Variants in THSD7B observed in about 807,000 individuals in gnomAD.
THSD7B encodes the protein thrombospondin type-1 domain-containing protein 7B.
Under a neutral mutation model 213.6 loss-of-function variants are expected in THSD7B, and 138 were observed. The ratio of observed to expected loss-of-function variants is 0.65; its 90% CI spans 0.56 to 0.74. THSD7B has a LOEUF of 0.74. Ranked by LOEUF, THSD7B falls within the 30% of genes least tolerant of loss-of-function variation. The pLI, the probability that THSD7B is intolerant of heterozygous loss-of-function variation, is 0.00. For missense variants in THSD7B, 1,931 were observed against 1,991.5 expected (o/e 0.97, Z 0.58); for synonymous variants, 742 against 687.0 (o/e 1.08, Z -1.25).
chr2:137,570,154 C>CT (rs1175912935), intron 16 of THSD7B, among the ~76,000 whole-genome samples: 2 of 151,892 alleles, frequency 1.3e-5, no homozygotes, highest in Non-Finnish European at 2.9e-5. Context: ...ATTATTACAA[C>CT]TTTTTTGTAT....
chr2:137,164,793 C>T (rs929821806), intron 6 of THSD7B, among the ~76,000 whole-genome samples: 1 of 152,160 alleles, frequency 6.6e-6, no homozygotes, highest in Non-Finnish European at 1.5e-5. Context: ...AAAAACCAAA[C>T]ACCGCATATT....
At chr2:137,189,456 T>C (rs1452311284) in intron 7 of THSD7B, among the ~76,000 whole-genome samples, 1 of 152,126 alleles carries the variant, frequency 6.6e-6, no homozygotes, top group Non-Finnish European at 1.5e-5. Context: ...TCAGGGCCTC[T>C]AGTGTCACCA....
At chr2:137,088,704 A>G (rs1253062653) in intron 3 of THSD7B, among the ~76,000 whole-genome samples, 1 of 152,142 alleles carries the variant, frequency 6.6e-6, no homozygotes, top group Non-Finnish European at 1.5e-5. Context: ...CCCACAGAGT[A>G]GGAAAAAATC....
intron 24 of THSD7B, among the ~76,000 whole-genome samples, chr2:137,657,476 C>G (rs1683259192): frequency 6.6e-6 from 1 of 152,074 alleles, no homozygotes; most frequent in South Asian, 2.1e-4. Flanking sequence ...CTCAATAAAA[C>G]GTTTCAAAGG....
intron 14 of THSD7B, among the ~76,000 whole-genome samples, chr2:137,417,836 C>T (rs187085174): frequency 2.7e-4 from 41 of 152,286 alleles, no homozygotes; most frequent in African/African-American, 9.9e-4. Context: ...AAGTCCAGTT[C>T]ATGGAAGGGA....
At chr2:136,944,938 T>C (rs149317344) in intron 2 of THSD7B, among the ~76,000 whole-genome samples, 1,665 of 152,292 alleles carry the variant, frequency 0.011, 22 homozygotes, top group African/African-American at 0.038. Context: ...ATTATGATGT[T>C]AGCTGGTTAT....
rs1207612144 is a variant in THSD7B at position 137,404,474 on chromosome 2, T to TACACACAC, written c.2501-1113_2501-1106dup. 3.7e-3 allele frequency among the ~76,000 whole-genome samples: 150 copies of TACACACAC among 40,244 alleles called. 6 individuals are homozygous for TACACACAC. Among genetic ancestry groups the TACACACAC allele is most frequent in the Middle Eastern group, 0.021 (1 of 48 alleles). 26.4% of individuals were successfully genotyped at this position (40,244 alleles called of 152,430 possible). A position where few individuals can be genotyped will look rare whatever the true frequency, so the allele number is the denominator to read the frequency against. Reference sequence around the variant, plus strand: ...ATATATATATATATATATATATATATACACACACACACACACACACACACA... The same window carrying TACACACAC: ...ATATATATATATATATATATATATATACACACACACACACACACACACACACACACACA... On this transcript the variant is annotated intron_variant, in intron 12 of 27. Transcript: ENST00000409968.
Position 137,213,614 on chromosome 2 carries a change from A to G in THSD7B, c.1724-17430A>G, listed in dbSNP as rs746860837. 2.0e-5 allele frequency among the ~76,000 whole-genome samples: 3 copies of G among 151,724 alleles called. No individual in the cohort carries two copies. In the South Asian group the frequency reaches 6.2e-4, roughly 31 times the overall value. ...TATAAGATTATTAATTCATAGTAAA[A>G]TAAAATTAAGTGGCAAGGCAGAGAA... On this transcript the variant is annotated intron_variant, in intron 7 of 27. Coordinates refer to ENST00000409968, the MANE Select transcript of THSD7B (RefSeq NM_001316349.2).
At chr2:137,274,150 A>G (rs1682816738) in intron 11 of THSD7B, among the ~76,000 whole-genome samples, 1 of 152,142 alleles carries the variant, frequency 6.6e-6, no homozygotes, top group African/African-American at 2.4e-5. Flanking sequence ...TTCAAAATGT[A>G]TCCAAGTTAT....
chr2:136,771,905 G>A (rs1157189891), intron 1 of THSD7B, among the ~76,000 whole-genome samples: 3 of 152,058 alleles, frequency 2.0e-5, no homozygotes, highest in African/African-American at 7.2e-5. Context: ...ATCCAGGTAG[G>A]CAACAAGTGT....
intron 17 of THSD7B, among the ~76,000 whole-genome samples, chr2:137,584,495 T>C (rs1443396608): frequency 6.6e-6 from 1 of 152,230 alleles, no homozygotes; most frequent in Non-Finnish European, 1.5e-5. Flanking sequence ...TTCTTATTAT[T>C]TTGAGATATG....
At chr2:137,326,202 C>A (rs190511286) in intron 12 of THSD7B, among the ~76,000 whole-genome samples, 16 of 152,246 alleles carry the variant, frequency 1.1e-4, no homozygotes, top group Admixed American at 2.0e-4. Flanking sequence ...GACCCATGAT[C>A]ATAGCAAGGA....
At chr2:136,803,068 G>A (rs1682218142) in intron 1 of THSD7B, among the ~76,000 whole-genome samples, 1 of 151,714 alleles carries the variant, frequency 6.6e-6, no homozygotes, top group Admixed American at 6.6e-5. Context: ...AAACTACCTA[G>A]TAACATCCTT....
intron 5 of THSD7B, among the ~76,000 whole-genome samples, chr2:137,144,768 C>T (rs1015854095): frequency 1.3e-5 from 2 of 151,916 alleles, no homozygotes; most frequent in African/African-American, 4.8e-5. Context: ...ATCATCATTG[C>T]AGAATAAAAT....
chr2:137,197,325 C>T (rs1420849328), intron 7 of THSD7B, among the ~76,000 whole-genome samples: 1 of 152,004 alleles, frequency 6.6e-6, no homozygotes, highest in Admixed American at 6.6e-5. Flanking sequence ...TGTGAATATT[C>T]CAGTTGAGGA....
intron 2 of THSD7B, among the ~76,000 whole-genome samples, chr2:136,913,510 G>T (rs1684301646): frequency 6.6e-6 from 1 of 152,238 alleles, no homozygotes. Flanking sequence ...CTTCATGGCA[G>T]CCCCTCCCAT....
chr2:137,659,676 C>T lies in THSD7B; in HGVS notation c.4388C>T (p.Pro1463Leu), dbSNP rs1252257811. Residue 1463 changes from proline (P) to leucine (L), a missense_variant, in exon 25 of 28, where the codon CCT becomes CTT. Pro to Leu is a moderately conservative substitution (Grantham distance 98). Coordinates refer to ENST00000409968, the MANE Select transcript of THSD7B (RefSeq NM_001316349.2). ...DGVNVTGGCS[P>L]QARPAAIRQC... is the part of the protein sequence containing the mutation. ...ATTTCCTTTGCAGGAGGCTGCTCCCCTCAGGCCCGTCCTGCTGCCATTCGG... is the reference window on the plus strand; with the variant it reads ...ATTTCCTTTGCAGGAGGCTGCTCCCTTCAGGCCCGTCCTGCTGCCATTCGG... The T allele has an allele frequency of 6.2e-7, 1 of 1,601,280 alleles. No individual in the cohort carries two copies. Among genetic ancestry groups the T allele is most frequent in the Admixed American group, 1.7e-5 (1 of 58,422 alleles).
chr2:137,361,755 G>A (rs1685267929), intron 12 of THSD7B, among the ~76,000 whole-genome samples: 1 of 152,168 alleles, frequency 6.6e-6, no homozygotes, highest in Admixed American at 6.5e-5. Flanking sequence ...ATCTACGTTT[G>A]ATTGGTGTAC....
chr2:136,939,986 A>G (rs747313990), intron 2 of THSD7B, among the ~76,000 whole-genome samples: 2 of 152,184 alleles, frequency 1.3e-5, no homozygotes, highest in African/African-American at 4.8e-5. Flanking sequence ...TGTAATCACT[A>G]TCCTAGCCAG....
Sources: gnomAD v4.1 joint callset for allele counts (sites outside exome capture counted in the v4.1 genomes callset) on GRCh38, gnomAD v4.1.1 for gene constraint, MANE v1.5 for transcripts, NCBI Gene and HGNC (gene_info 2026-07-23, HGNC 2026-07-21) for gene names.